Variants in FRK observed in about 807,000 individuals in gnomAD.
FRK encodes fyn related Src family tyrosine kinase, also known as tyrosine-protein kinase FRK.
Under a neutral mutation model 56.4 loss-of-function variants are expected in FRK, and 51 were observed. That is an observed-to-expected ratio of 0.90 (90% CI 0.72 to 1.14). The LOEUF is 1.14. Among genes scored for constraint, FRK ranks in the 50% most tolerant of loss-of-function variants. The pLI, the probability that FRK is intolerant of heterozygous loss-of-function variation, is 0.00. For missense variants in FRK, 570 were observed against 601.4 expected (o/e 0.95, Z 0.55); for synonymous variants, 245 against 217.9 (o/e 1.12, Z -1.10).
the FRK span, among the ~76,000 whole-genome samples, chr6:116,093,497 G>C: frequency 6.6e-6 from 1 of 152,048 alleles, no homozygotes; most frequent in Non-Finnish European, 1.5e-5. Context: ...TTAATGAAAA[G>C]AATGCTTTAG....
At chr6:116,010,835 T>C (rs1297097678) in intron 1 of FRK, among the ~76,000 whole-genome samples, 1 of 152,232 alleles carries the variant, frequency 6.6e-6, no homozygotes, top group Non-Finnish European at 1.5e-5. Flanking sequence ...TGAAGGCAGA[T>C]ATTATCAATT....
intron 1 of FRK, among the ~76,000 whole-genome samples, chr6:116,021,872 G>A (rs1454419097): frequency 6.6e-6 from 1 of 151,906 alleles, no homozygotes; most frequent in African/African-American, 2.4e-5. Flanking sequence ...ACCATGGGAA[G>A]AATGCACAAA....
chr6:116,053,178 T>C (rs1446559049), intron 1 of FRK, among the ~76,000 whole-genome samples: 2 of 152,112 alleles, frequency 1.3e-5, no homozygotes, highest in Non-Finnish European at 1.5e-5. Flanking sequence ...TAACCAGCAT[T>C]ATATTTCAGT....
chr6:115,996,933 T>C (rs1774862341), intron 2 of FRK, among the ~76,000 whole-genome samples: 1 of 152,206 alleles, frequency 6.6e-6, no homozygotes, highest in Non-Finnish European at 1.5e-5. Flanking sequence ...GCTGTTACTG[T>C]TCTCATTACT....
chr6:115,951,459 A>G (rs1401654112), intron 5 of FRK, among the ~76,000 whole-genome samples: 1 of 152,134 alleles, frequency 6.6e-6, no homozygotes, highest in Non-Finnish European at 1.5e-5. Flanking sequence ...TTCTATAAGT[A>G]TTTACTGGGG....
intron 1 of FRK, among the ~76,000 whole-genome samples, chr6:116,013,662 G>A (rs1377142795): frequency 2.6e-5 from 4 of 151,944 alleles, no homozygotes; most frequent in Non-Finnish European, 5.9e-5. Flanking sequence ...TTCTCTATAC[G>A]AATAAGCTTT....
In FRK at chr6:115,941,172, G is replaced by A. The variant is rs1772161545; in HGVS notation, c.*1242C>T. On this transcript the variant is annotated 3_prime_UTR_variant, in exon 8 of 8. Transcript: ENST00000606080. ...GGAATACTATGCAGCCATAAAAAAG[G>A]ATGAGTTCATGTCCTTCACAGGGAC... The A allele has an allele frequency of 6.6e-6, 1 of 152,210 alleles. No individual in the cohort carries two copies. Among genetic ancestry groups the A allele is most frequent in the Non-Finnish European group, 1.5e-5 (1 of 68,040 alleles). 9.4% of individuals were successfully genotyped at this position (152,210 alleles called of 1,614,324 possible).
At chr6:116,045,765 T>C (rs912396124) in intron 1 of FRK, among the ~76,000 whole-genome samples, 2 of 151,896 alleles carry the variant, frequency 1.3e-5, no homozygotes, top group African/African-American at 2.4e-5. Context: ...CCAAAAGCAA[T>C]GGCAACAAAA....
At chr6:116,083,990 T>G in the FRK span, among the ~76,000 whole-genome samples, 3 of 152,056 alleles carry the variant, frequency 2.0e-5, no homozygotes, top group East Asian at 5.8e-4. Flanking sequence ...TGCTTATATA[T>G]TCACAGAAAA....
chr6:116,022,134 T>C (rs1176053762), intron 1 of FRK, among the ~76,000 whole-genome samples: 1 of 151,618 alleles, frequency 6.6e-6, no homozygotes, highest in Non-Finnish European at 1.5e-5. Flanking sequence ...AAACAGAAAA[T>C]ATTAATAACC....
intron 2 of FRK, among the ~76,000 whole-genome samples, chr6:115,989,124 T>C (rs1933737): frequency 0.28 from 42,537 of 151,676 alleles, 6,330 homozygotes; most frequent in Middle Eastern, 0.36. Flanking sequence ...TATCCAAAAA[T>C]ATTATCCATA....
chr6:115,947,120 T>TA (rs1772487335), intron 5 of FRK, among the ~76,000 whole-genome samples: 1 of 152,130 alleles, frequency 6.6e-6, no homozygotes, highest in African/African-American at 2.4e-5. Context: ...ATTGACAAAG[T>TA]ATTCAGGGGG....
chr6:116,015,230 G>A (rs563675743), intron 1 of FRK, among the ~76,000 whole-genome samples: 17 of 152,280 alleles, frequency 1.1e-4, no homozygotes, highest in South Asian at 2.1e-4. Flanking sequence ...TTCCCATGCC[G>A]TTCTCATGGT....
At chr6:116,018,807 G>A (rs1352639840) in intron 1 of FRK, among the ~76,000 whole-genome samples, 2 of 151,688 alleles carry the variant, frequency 1.3e-5, no homozygotes, top group Non-Finnish European at 1.5e-5. Flanking sequence ...TTTAATCATT[G>A]AAATACTCAG....
intron 1 of FRK, among the ~76,000 whole-genome samples, chr6:116,027,305 A>G (rs1331994767): frequency 6.6e-6 from 1 of 152,200 alleles, no homozygotes; most frequent in Non-Finnish European, 1.5e-5. Context: ...TAATTTTTTA[A>G]ACTGTCAAAT....
intron 2 of FRK, among the ~76,000 whole-genome samples, chr6:115,978,472 G>C (rs17697158): frequency 1.3e-5 from 2 of 152,262 alleles, no homozygotes; most frequent in Admixed American, 1.3e-4. Context: ...ATGTTCAAGC[G>C]ATGTGAGCCA....
chr6:116,057,472 A>T (rs1777443647), intron 1 of FRK, among the ~76,000 whole-genome samples: 1 of 152,202 alleles, frequency 6.6e-6, no homozygotes, highest in Non-Finnish European at 1.5e-5. Flanking sequence ...TACTTGCACT[A>T]AGAGTATTGA....
At chr6:115,986,143 T>C in intron 2 of FRK, among the ~76,000 whole-genome samples, 1 of 151,968 alleles carries the variant, frequency 6.6e-6, no homozygotes, top group East Asian at 1.9e-4. Context: ...TTCTTCTCCA[T>C]CCCACTTACT....
intron 1 of FRK, among the ~76,000 whole-genome samples, chr6:116,016,978 A>G (rs1195545293): frequency 6.6e-6 from 1 of 152,218 alleles, no homozygotes. Context: ...CAGTGTCAAC[A>G]AACTATTTGT....
Sources: gnomAD v4.1 joint callset for allele counts (sites outside exome capture counted in the v4.1 genomes callset) on GRCh38, gnomAD v4.1.1 for gene constraint, MANE v1.5 for transcripts, NCBI Gene and HGNC (gene_info 2026-07-23, HGNC 2026-07-21) for gene names.